SLC30A5: variants seen among roughly 807,000 people sequenced by gnomAD.
SLC30A5 encodes solute carrier family 30 member 5, also known as proton-coupled zinc antiporter SLC30A5.
Under a neutral mutation model 79.6 loss-of-function variants are expected in SLC30A5, and 33 were observed. That is an observed-to-expected ratio of 0.41 (90% CI 0.31 to 0.55). The LOEUF (loss-of-function observed/expected upper bound fraction) is 0.55. Ranked by LOEUF, SLC30A5 falls within the 20% of genes least tolerant of loss-of-function variation. The pLI, the probability that SLC30A5 is intolerant of heterozygous loss-of-function variation, is 0.20. For missense variants in SLC30A5, 788 were observed against 928.1 expected (o/e 0.85, Z 1.96); for synonymous variants, 299 against 319.7 (o/e 0.94, Z 0.69).
intron 1 of SLC30A5, among the ~76,000 whole-genome samples, chr5:69,100,497 G>A (rs1231496646): frequency 1.3e-5 from 2 of 151,946 alleles, no homozygotes; most frequent in African/African-American, 2.4e-5. Context: ...ACAGTAGGGC[G>A]CGGTGGCTCA....
Position 69,130,903 on chromosome 5 carries a change from A to G in SLC30A5, c.*1286A>G, listed in dbSNP as rs1746830347. The G allele has an allele frequency of 6.6e-6, 1 of 152,166 alleles. No individual in the cohort carries two copies. Among genetic ancestry groups the G allele is most frequent in the South Asian group, 2.1e-4 (1 of 4,836 alleles). The allele number at this position is 152,166 out of a possible 1,614,324, so 9.4% of individuals were successfully genotyped here. ...TAGTATGAGTACTATTTTCTTATATATACCACAATGGCAAACATGTATTAT... is the reference window on the plus strand; with the variant it reads ...TAGTATGAGTACTATTTTCTTATATGTACCACAATGGCAAACATGTATTAT... On this transcript the variant is annotated 3_prime_UTR_variant, in exon 16 of 16. Transcript: ENST00000396591.
intron 3 of SLC30A5, among the ~76,000 whole-genome samples, chr5:69,103,685 T>C (rs1745996897): frequency 6.6e-6 from 1 of 152,198 alleles, no homozygotes; most frequent in South Asian, 2.1e-4. Context: ...ATTGTGACAA[T>C]GTGACACCCT....
At chr5:69,129,423 A>G (rs372783182) in intron 15 of SLC30A5, 24 bp from the exon 16 acceptor site, 51 of 1,590,664 alleles carry the variant, frequency 3.2e-5, no homozygotes, top group Non-Finnish European at 4.3e-5. Flanking sequence ...TAAATGCTTC[A>G]AAATATCTGG....
chr5:69,115,664 G>A (rs911835052), intron 8 of SLC30A5, among the ~76,000 whole-genome samples: 8 of 152,158 alleles, frequency 5.3e-5, no homozygotes, highest in Non-Finnish European at 1.2e-4. Flanking sequence ...TTTGAAGAAG[G>A]AGCAATTAAC....
In SLC30A5 at chr5:69,094,338, G is replaced by C; in HGVS notation, c.83G>C (p.Arg28Pro). Reference sequence around the variant, plus strand: ...GGGCCGGTGGACGTACCCAGCGCTCGGTAAGGGACCGATCCGGAAGGCAGC... The same window carrying C: ...GGGCCGGTGGACGTACCCAGCGCTCCGTAAGGGACCGATCCGGAAGGCAGC... ...GLGPVDVPSA[R>P]LTKYIVLLCF... Residue 28 changes from arginine (R) to proline (P), a missense_variant and splice_region_variant, in exon 1 of 16, where the codon CGA (arginine) becomes CCA (proline). By Grantham distance (103) the Arg-to-Pro change is moderately radical (BLOSUM62 -2). Coordinates refer to ENST00000396591, the MANE Select transcript of SLC30A5 (RefSeq NM_022902.5). 1 of 1,248,286 alleles carries C rather than the reference G, an allele frequency of 8.0e-7. No individual in the cohort carries two copies. The highest frequency in any genetic ancestry group is 1.0e-6 in the Non-Finnish European group (1 of 988,848). 77.3% of individuals were successfully genotyped at this position (1,248,286 alleles called of 1,614,324 possible).
chr5:69,097,177 G>T (rs1407914373), intron 1 of SLC30A5, among the ~76,000 whole-genome samples: 1 of 138,464 alleles, frequency 7.2e-6, no homozygotes, highest in Non-Finnish European at 1.5e-5. Flanking sequence ...GTGCAGTGGC[G>T]CGATCTCGGC....
At chr5:69,104,146 T>C (rs1746013534) in intron 3 of SLC30A5, 1 of 1,331,694 alleles carries the variant, frequency 7.5e-7, no homozygotes, top group Non-Finnish European at 9.9e-7. Context: ...TTTTTTTTCT[T>C]TCTTTTTTTG....
In SLC30A5 at chr5:69,116,564, G is replaced by T; in HGVS notation, c.1243G>T (p.Asp415Tyr). The T allele has an allele frequency of 1.9e-6, 3 of 1,591,970 alleles. No individual in the cohort carries two copies. The South Asian group carries it at 3.5e-5, about 18-fold the overall frequency. Reference protein sequence around the residue: ...ESLKQILEESDSRQIFYFLCL... With the variant: ...ESLKQILEESYSRQIFYFLCL... ...ACTAAAACAAATTCTTGAGGAGAGT[G>T]ACTCTAGGCAGATCTTTTACTTCTT... is the stretch of plus-strand genomic sequence containing the variant. Residue 415 changes from aspartate to tyrosine, a missense_variant, in exon 10 of 16, where the codon GAC becomes TAC. Asp to Tyr is a radical substitution (Grantham distance 160). Transcript: ENST00000396591. The surrounding 1 kb of genome is among the most constrained non-coding windows in gnomAD (Gnocchi z 4.0).
intron 5 of SLC30A5, among the ~76,000 whole-genome samples, chr5:69,112,264 T>G (rs1012685431): frequency 1.3e-5 from 2 of 151,828 alleles, no homozygotes; most frequent in Non-Finnish European, 2.9e-5. Context: ...GCCATTGCAC[T>G]CCAGCCTGGG....
intron 2 of SLC30A5, 141 bp downstream of exon 2, chr5:69,101,070 A>G (rs911480569): frequency 7.6e-5 from 58 of 765,844 alleles, no homozygotes; most frequent in Non-Finnish European, 6.0e-5. Context: ...TTTAACTGGG[A>G]GTATACTTAA....
At position 69,113,182 on chromosome 5, in the gene SLC30A5, T is replaced by C; in HGVS notation, c.490T>C (p.Leu164=). Residue 164 remains leucine (L), a synonymous_variant, in exon 6 of 16, where the codon TTG becomes CTG. Coordinates refer to ENST00000396591, the MANE Select transcript of SLC30A5 (RefSeq NM_022902.5). ...AFFIIAVICL[L]LFDNDDLMAK... is the part of the protein sequence containing the mutation. ...TTTCATTATTGCTGTGATCTGTTTATTGCTTTTTGACAATGATGATCTCAT... is the reference window on the plus strand; with the variant it reads ...TTTCATTATTGCTGTGATCTGTTTACTGCTTTTTGACAATGATGATCTCAT... 1 of 1,613,706 alleles carries C rather than the reference T, an allele frequency of 6.2e-7. No individual in the cohort carries two copies. Among genetic ancestry groups the C allele is most frequent in the East Asian group, 2.2e-5 (1 of 44,794 alleles).
At chr5:69,108,302 A>G in intron 4 of SLC30A5, 47 bp from the exon 5 acceptor site, 1 of 1,453,256 alleles carries the variant, frequency 6.9e-7, no homozygotes, top group Non-Finnish European at 9.6e-7. Context: ...ATGCGTCTTG[A>G]TAAAGATAAA....
chr5:69,128,127 C>A lies in SLC30A5; in HGVS notation c.2122C>A (p.Gln708Lys). 1 of 1,604,208 alleles carries A rather than the reference C, an allele frequency of 6.2e-7. No homozygotes were observed. Among genetic ancestry groups the A allele is most frequent in the Non-Finnish European group, 8.5e-7 (1 of 1,175,512 alleles). ...TGATGTGCTAGAACAAAGAATAGTA[C>A]AGCAGGTAATCTTTTGTTTTTAAAG... ...TSDVLEQRIV[Q>K]QVTGILKDAG... is the part of the protein sequence containing the mutation. Residue 708 changes from glutamine to lysine, a missense_variant, in exon 15 of 16, where the codon CAG becomes AAG. Coordinates refer to ENST00000396591, the MANE Select transcript of SLC30A5 (RefSeq NM_022902.5).
rs1195474640 is a variant in SLC30A5, at chr5:69,108,387, TTTCACTACTCAGTGTTTTG to T, written c.404_422del (p.Leu135ProfsTer20). 1 of 1,613,986 alleles carries T rather than the reference TTTCACTACTCAGTGTTTTG, an allele frequency of 6.2e-7. No individual in the cohort carries two copies. On this transcript the variant is annotated frameshift_variant, in exon 5 of 16. Coordinates refer to ENST00000396591, the MANE Select transcript of SLC30A5 (RefSeq NM_022902.5). LOFTEE classifies it high-confidence loss of function. Reference sequence around the variant, plus strand: ...TTTGAGCACAGTGATATTGTTGTCATTTCACTACTCAGTGTTTTGTTCACCAGTTCTGGAGGAGGACCAG... The same window carrying T: ...TTTGAGCACAGTGATATTGTTGTCATTTCACCAGTTCTGGAGGAGGACCAG...
intron 4 of SLC30A5, among the ~76,000 whole-genome samples, chr5:69,105,355 T>G (rs1422664242): frequency 6.6e-6 from 1 of 152,172 alleles, no homozygotes; most frequent in Non-Finnish European, 1.5e-5. Flanking sequence ...GGATTTTACT[T>G]AGTGAATAAG....
intron 8 of SLC30A5, 38 bp from the exon 9 acceptor site, chr5:69,115,888 C>T (rs1468388642): frequency 1.3e-6 from 2 of 1,493,014 alleles, no homozygotes. Flanking sequence ...GAACTTTATA[C>T]ATGTATAGTC....
intron 14 of SLC30A5, among the ~76,000 whole-genome samples, chr5:69,125,866 G>A (rs1460778895): frequency 1.8e-5 from 1 of 54,798 alleles, no homozygotes; most frequent in Admixed American, 2.4e-4. Flanking sequence ...GCGAGACTCC[G>A]TCTCAAAAAA....
chr5:69,094,544 AGC>A (rs1745663991), intron 1 of SLC30A5, among the ~76,000 whole-genome samples: 1 of 151,936 alleles, frequency 6.6e-6, no homozygotes, highest in Admixed American at 6.6e-5. Flanking sequence ...AAAGCCAAAA[AGC>A]TTCTGCTTGA....
At chr5:69,126,804 C>A (rs10050459) in intron 14 of SLC30A5, among the ~76,000 whole-genome samples, 53,994 of 145,870 alleles carry the variant, frequency 0.37, 10,284 homozygotes, top group East Asian at 0.52. Flanking sequence ...ACAACAACAA[C>A]AACAAAATAT....
Sources: gnomAD v4.1 joint callset for allele counts (sites outside exome capture counted in the v4.1 genomes callset) on GRCh38, gnomAD v4.1.1 for gene constraint, Gnocchi (gnomAD v3.1) non-coding constraint, MANE v1.5 for transcripts, NCBI Gene and HGNC (gene_info 2026-07-23, HGNC 2026-07-21) for gene names.